TMEM132C: variants seen among roughly 807,000 people sequenced by gnomAD.
The protein encoded by TMEM132C is protein phosphatase 1, regulatory subunit 152.
Under a neutral mutation model 61.4 loss-of-function variants are expected in TMEM132C, and 29 were observed. The observed-to-expected ratio is 0.47, with a 90% CI of 0.35 to 0.64. The LOEUF is 0.64. TMEM132C is among the 30% of genes least tolerant of loss of function. TMEM132C has a pLI of 0.00. For synonymous variants in TMEM132C, 656 were observed against 633.1 expected (o/e 1.04, Z -0.54); for missense variants, 1,408 against 1,476.9 (o/e 0.95, Z 0.76).
At chr12:128,445,166 TC>T in intron 2 of TMEM132C, among the ~76,000 whole-genome samples, 1 of 150,218 alleles carries the variant, frequency 6.7e-6, no homozygotes, top group Non-Finnish European at 1.5e-5. Context: ...CGACTTTTTT[TC>T]TTTTGCATAG....
At chr12:128,493,229 A>G (rs1871812988) in intron 2 of TMEM132C, among the ~76,000 whole-genome samples, 1 of 152,202 alleles carries the variant, frequency 6.6e-6, no homozygotes, top group Non-Finnish European at 1.5e-5. Context: ...TGGTACCAGT[A>G]CCATGCTGTT....
At chr12:128,288,034 T>C (rs1871128395) in intron 1 of TMEM132C, 1 of 152,060 alleles carries the variant, frequency 6.6e-6, no homozygotes, top group Admixed American at 6.6e-5. Flanking sequence ...TCCACAGTTA[T>C]CCCTGCAGGA....
chr12:128,515,377 G>T (rs778736424), intron 2 of TMEM132C, among the ~76,000 whole-genome samples: 6 of 152,192 alleles, frequency 3.9e-5, no homozygotes, highest in Non-Finnish European at 8.8e-5. Flanking sequence ...TAGCCGAGGT[G>T]CAAAAGCCAG....
chr12:128,403,160 CAA>C, intron 1 of TMEM132C, among the ~76,000 whole-genome samples: 1 of 152,224 alleles, frequency 6.6e-6, no homozygotes, highest in South Asian at 2.1e-4. Flanking sequence ...AAAAAGGAAA[CAA>C]TGAGCCATAT....
intron 3 of TMEM132C, among the ~76,000 whole-genome samples, chr12:128,575,420 A>G (rs4882705): frequency 0.97 from 148,342 of 152,206 alleles, 72,394 homozygotes; most frequent in East Asian, 1. Context: ...TGGAGGTTGC[A>G]GTGGGCCAAG....
At chr12:128,576,078 A>T (rs1440099993) in intron 3 of TMEM132C, among the ~76,000 whole-genome samples, 1 of 152,038 alleles carries the variant, frequency 6.6e-6, no homozygotes, top group Non-Finnish European at 1.5e-5. Context: ...AACATGGTGA[A>T]CCCTCCTCTC....
intron 2 of TMEM132C, among the ~76,000 whole-genome samples, chr12:128,491,852 C>CT (rs113590302): frequency 0.014 from 2,003 of 145,094 alleles, 31 homozygotes; most frequent in African/African-American, 0.047. Context: ...TGTATCAGTT[C>CT]TTTTTTTTTT....
At chr12:128,553,169 CAATCTCA>C (rs1369317006) in intron 3 of TMEM132C, among the ~76,000 whole-genome samples, 2 of 151,588 alleles carry the variant, frequency 1.3e-5, no homozygotes, top group Non-Finnish European at 2.9e-5. Flanking sequence ...AATTGCAAAA[CAATCTCA>C]TAATGTTGTA....
At chr12:128,664,418 A>T (rs1954436380) in intron 4 of TMEM132C, among the ~76,000 whole-genome samples, 1 of 152,310 alleles carries the variant, frequency 6.6e-6, no homozygotes, top group African/African-American at 2.4e-5. Context: ...TACCTTATTG[A>T]TTATTTTCAG....
chr12:128,293,698 C>G (rs1158865262), intron 1 of TMEM132C, among the ~76,000 whole-genome samples: 2 of 152,240 alleles, frequency 1.3e-5, no homozygotes, highest in Non-Finnish European at 2.9e-5. Context: ...TCATTGCCTT[C>G]TTTGTCTCCC....
At chr12:128,267,668 G>T (rs1402713381) in intron 1 of TMEM132C, among the ~76,000 whole-genome samples, 181 bp downstream of exon 1, 1 of 152,172 alleles carries the variant, frequency 6.6e-6, no homozygotes, top group Non-Finnish European at 1.5e-5. Flanking sequence ...GCTCCCAGCT[G>T]GGCGCCGGGA....
intron 2 of TMEM132C, among the ~76,000 whole-genome samples, chr12:128,439,648 G>T (rs1038274505): frequency 6.6e-6 from 1 of 152,116 alleles, no homozygotes; most frequent in Non-Finnish European, 1.5e-5. Flanking sequence ...TGATTCAGCT[G>T]CCAGCTTTCA....
intron 2 of TMEM132C, among the ~76,000 whole-genome samples, chr12:128,510,128 G>T (rs983011267): frequency 6.6e-6 from 1 of 152,198 alleles, no homozygotes; most frequent in Admixed American, 6.5e-5. Flanking sequence ...AGGTCCAGGG[G>T]ATTAAGGTGA....
intron 1 of TMEM132C, among the ~76,000 whole-genome samples, chr12:128,299,668 A>G (rs954470853): frequency 6.6e-6 from 1 of 152,234 alleles, no homozygotes; most frequent in African/African-American, 2.4e-5. Flanking sequence ...GAACTTTGGT[A>G]GAAGGTTGGA....
intron 4 of TMEM132C, among the ~76,000 whole-genome samples, chr12:128,619,619 G>A (rs184394078): frequency 6.4e-4 from 97 of 152,284 alleles, no homozygotes; most frequent in Non-Finnish European, 9.4e-4. Flanking sequence ...TTAGCTCCAC[G>A]ACCCTCCTGC....
chr12:128,504,649 AAGAG>A (rs1343471948), intron 2 of TMEM132C, among the ~76,000 whole-genome samples: 2 of 152,054 alleles, frequency 1.3e-5, no homozygotes, highest in South Asian at 4.2e-4. Context: ...TGAGAGTGAA[AAGAG>A]AGAGGTCCCT....
intron 1 of TMEM132C, among the ~76,000 whole-genome samples, chr12:128,340,046 A>T (rs973323435): frequency 2.6e-5 from 4 of 152,236 alleles, no homozygotes. Context: ...GGGGGCTTCT[A>T]TGTCCCTTCC....
At chr12:128,333,960 G>T (rs1872731052) in intron 1 of TMEM132C, among the ~76,000 whole-genome samples, 1 of 151,862 alleles carries the variant, frequency 6.6e-6, no homozygotes, top group African/African-American at 2.4e-5. Context: ...TTGTGTGTAA[G>T]TGTGAGAGTG....
chr12:128,477,493 C>T (rs915641142), intron 2 of TMEM132C, among the ~76,000 whole-genome samples: 1 of 152,204 alleles, frequency 6.6e-6, no homozygotes. Flanking sequence ...AACCCCCTTT[C>T]AGGGCTCAGA....
Sources: allele counts gnomAD v4.1 joint callset (sites outside exome capture counted in the v4.1 genomes callset), GRCh38; gene constraint gnomAD v4.1.1; transcripts MANE v1.5; gene names NCBI Gene and HGNC (gene_info 2026-07-23, HGNC 2026-07-21).